The following MTOR variants were observed in gnomAD, a reference collection of about 807,000 sequenced individuals.
The protein encoded by MTOR is mechanistic target of rapamycin kinase, also known as serine/threonine-protein kinase mTOR.
Under a neutral mutation model 319.8 loss-of-function variants are expected in MTOR, and 70 were observed. That is an observed-to-expected ratio of 0.22 (90% CI 0.18 to 0.27). The LOEUF is 0.27. MTOR is among the 10% of genes least tolerant of loss of function. The pLI, the probability that MTOR is intolerant of heterozygous loss-of-function variation, is 1.00. For missense variants in MTOR, 1,890 were observed against 3,274.4 expected (o/e 0.58, Z 10.32); for synonymous variants, 1,183 against 1,211.4 (o/e 0.98, Z 0.49).
chr1:11,197,804 GA>G (rs1400312180), intron 28 of MTOR, among the ~76,000 whole-genome samples: 1 of 152,140 alleles, frequency 6.6e-6, no homozygotes. Context: ...TGGCCTCCCA[GA>G]GTGCTGGGAT....
rs765645096 is a variant in MTOR at position 11,248,067 on chromosome 1, T to A, written c.868A>T (p.Thr290Ser). 20 of 1,609,972 alleles carry A rather than the reference T, an allele frequency of 1.2e-5. No individual in the cohort carries two copies. Among genetic ancestry groups the A allele is most frequent in the Non-Finnish European group, 1.1e-5 (13 of 1,177,280 alleles). Residue 290 changes from threonine to serine, a missense_variant, in exon 7 of 58, where the codon ACA (threonine) becomes TCA (serine). By Grantham distance (58) the Thr-to-Ser change is moderately conservative. Coordinates refer to ENST00000361445, the MANE Select transcript of MTOR (RefSeq NM_004958.4). ...TTGTCGTGTACCAGCTGCTGCTGTGTGATTTCTTCCATTTCTTCTCTCAGA... is the reference window on the plus strand; with the variant it reads ...TTGTCGTGTACCAGCTGCTGCTGTGAGATTTCTTCCATTTCTTCTCTCAGA... ...ERLREEMEEITQQQLVHDKYC... is the reference protein window; with the variant it reads ...ERLREEMEEISQQQLVHDKYC...
chr1:11,115,744 C>G lies in MTOR; in HGVS notation c.7017-276G>C. On this transcript the variant is annotated intron_variant, in intron 50 of 57. Transcript: ENST00000361445. This position sits in a 1 kb window ranked among gnomAD's most constrained non-coding sequence, Gnocchi z 4.5. Reference sequence around the variant, plus strand: ...CACAAAGCCTAAAACGACCTATTAACTGGTCCTTTACAGAAACAGTTTGCC... The same window carrying G: ...CACAAAGCCTAAAACGACCTATTAAGTGGTCCTTTACAGAAACAGTTTGCC... 1 of 390,464 alleles carries G rather than the reference C, an allele frequency of 2.6e-6. No homozygotes were observed. The highest frequency in any genetic ancestry group is 4.8e-6 in the Non-Finnish European group (1 of 209,966). The allele number at this position is 390,464 out of a possible 1,614,324, so 24.2% of individuals were successfully genotyped here. A position where few individuals can be genotyped will look rare whatever the true frequency, so the allele number is the denominator to read the frequency against.
rs755961233 is a variant in MTOR at position 11,248,108 on chromosome 1, G to A, written c.841-14C>T. The stretch of plus-strand genomic sequence containing the variant: ...TTCTCTCAGACGCTATATATATGAG[G>A]AGGAAAAAAATCATCTTTACTTATG... On this transcript the variant is annotated splice_polypyrimidine_tract_variant and intron_variant, in intron 6 of 57. Coordinates refer to ENST00000361445, the MANE Select transcript of MTOR (RefSeq NM_004958.4). The A allele has an allele frequency of 3.2e-6, 5 of 1,562,060 alleles. No individual in the cohort carries two copies. Among genetic ancestry groups the A allele is most frequent in the Admixed American group, 3.8e-5 (2 of 52,094 alleles).
chr1:11,200,859 CA>C (rs1645943173), intron 26 of MTOR, among the ~76,000 whole-genome samples: 1 of 151,730 alleles, frequency 6.6e-6, no homozygotes, highest in Non-Finnish European at 1.5e-5. Flanking sequence ...ACTAAAAATA[CA>C]AAAAATTAGC....
chr1:11,256,683 G>A (rs901236173), intron 4 of MTOR, among the ~76,000 whole-genome samples: 2 of 152,008 alleles, frequency 1.3e-5, no homozygotes, highest in African/African-American at 2.4e-5. Context: ...TCCTGGTACC[G>A]TGCCCCCTCC....
intron 25 of MTOR, among the ~76,000 whole-genome samples, chr1:11,207,157 A>C (rs1373700968): frequency 6.6e-6 from 1 of 151,622 alleles, no homozygotes; most frequent in East Asian, 2.0e-4. Context: ...GGAGTGGTGA[A>C]GTGGGATGAT....
intron 6 of MTOR, among the ~76,000 whole-genome samples, chr1:11,250,185 G>A (rs74379526): frequency 0.46 from 44,923 of 96,794 alleles, 12,958 homozygotes; most frequent in Non-Finnish European, 0.59. Context: ...CTGACCCCCC[G>A]ACCTCCCTCC....
intron 28 of MTOR, among the ~76,000 whole-genome samples, chr1:11,184,220 T>C (rs1022024896): frequency 1.3e-5 from 2 of 152,142 alleles, no homozygotes; most frequent in African/African-American, 2.4e-5. Context: ...ATTTCACAGG[T>C]TGGCAAACTC....
Position 11,129,759 on chromosome 1 carries a change from T to C in MTOR, c.5693A>G (p.Asn1898Ser), listed in dbSNP as rs1164349904. Residue 1898 changes from asparagine (N) to serine (S), a missense_variant, in exon 40 of 58, where the codon AAC (asparagine) becomes AGC (serine). This residue lies in a region of MTOR where 249 missense variants were observed against 596.2 expected (regional missense o/e 0.42). Coordinates refer to ENST00000361445, the MANE Select transcript of MTOR (RefSeq NM_004958.4). The surrounding 1 kb of genome is among the most constrained non-coding windows in gnomAD (Gnocchi z 4.7). ...ATACCTGAGTGTATCCTGGAGGTTG[T>C]TGCCTCGTGACAAGGAGATGGAACG... ...FFRSISLSRG[N>S]NLQDTLRVLT... is the part of the protein sequence containing the mutation. The C allele has an allele frequency of 1.2e-6, 2 of 1,614,172 alleles. No individual in the cohort carries two copies. The highest frequency in any genetic ancestry group is 1.7e-6 in the Non-Finnish European group (2 of 1,180,000).
At chr1:11,244,295 T>TAAAA (rs1648512095) in intron 8 of MTOR, among the ~76,000 whole-genome samples, 1 of 25,962 alleles carries the variant, frequency 3.9e-5, no homozygotes, top group Admixed American at 8.1e-4. Context: ...TACATCTCAT[T>TAAAA]TAAAAAAAAA....
rs757014143 is a variant in MTOR, at chr1:11,127,166, T to G, written c.6217-22A>C. 24 of 1,612,720 alleles carry G rather than the reference T, an allele frequency of 1.5e-5. No individual in the cohort carries two copies. In the Admixed American group the frequency reaches 2.8e-4, roughly 19 times the overall value. ...AGGCCTGAGAGAGAAAGCAGGCACGTTTTCAAGTTATCAAAGTCTCAACCA... is the reference window on the plus strand; with the variant it reads ...AGGCCTGAGAGAGAAAGCAGGCACGGTTTCAAGTTATCAAAGTCTCAACCA... On this transcript the variant is annotated intron_variant, in intron 44 of 57. Coordinates refer to ENST00000361445, the MANE Select transcript of MTOR (RefSeq NM_004958.4). This position sits in a 1 kb window ranked among gnomAD's most constrained non-coding sequence, Gnocchi z 5.5.
rs199569676 is a variant in MTOR at position 11,157,169 on chromosome 1, G to A, written c.4452C>T (p.Leu1484=). The part of the protein sequence containing the change: ...PELMLGRMRC[L]EALGEWGQLH... ...AAGCTCACCATTCCCCCAAGGCCTC[G>A]AGGCAGCGCATGCGGCCCAGCATCA... The change falls in exon 30 of 58, where the codon CTC becomes CTT. Residue 1484 remains leucine (L), a synonymous_variant. Transcript: ENST00000361445. The A allele has an allele frequency of 2.1e-5, 34 of 1,609,910 alleles. No homozygotes were observed. The highest frequency in any genetic ancestry group is 1.1e-4 in the East Asian group (5 of 44,400).
At chr1:11,246,825 A>G (rs6679878) in intron 8 of MTOR, among the ~76,000 whole-genome samples, 98,746 of 152,156 alleles carry the variant, frequency 0.65, 34,163 homozygotes, top group East Asian at 0.91. Context: ...ACAGGCAACT[A>G]GAGCATTATA....
At chr1:11,144,413 T>C in intron 34 of MTOR, 1 of 464,186 alleles carries the variant, frequency 2.2e-6, no homozygotes, top group Admixed American at 3.3e-5. Flanking sequence ...AAAACATTTT[T>C]TTTAATTCCT....
At chr1:11,202,622 A>C (rs1365487071) in intron 26 of MTOR, among the ~76,000 whole-genome samples, 1 of 151,822 alleles carries the variant, frequency 6.6e-6, no homozygotes, top group African/African-American at 2.4e-5. Context: ...AAATTTTTAA[A>C]AATTAAAAAA....
intron 8 of MTOR, 104 bp from the exon 9 acceptor site, chr1:11,243,404 G>C (rs1648353265): frequency 3.5e-6 from 4 of 1,140,270 alleles, no homozygotes; most frequent in Non-Finnish European, 4.9e-6. Flanking sequence ...AATAAATTAA[G>C]AAAGTGGCCA....
At chr1:11,187,620 T>C (rs962145060) in intron 28 of MTOR, among the ~76,000 whole-genome samples, 1 of 152,178 alleles carries the variant, frequency 6.6e-6, no homozygotes, top group Non-Finnish European at 1.5e-5. Flanking sequence ...TATACATGAC[T>C]GTATGGTACA....
rs149275985 is a variant in MTOR, at chr1:11,176,065, T to C, written c.4254-8548A>G. Among the ~76,000 whole-genome samples the C allele has an allele frequency of 2.2e-3, 342 of 152,232 alleles. 2 individuals are homozygous for C. The South Asian group carries it at 0.027, about 12-fold the overall frequency. The stretch of plus-strand genomic sequence containing the variant: ...GCCCAGCCCCCTCACTGCCTTTTAT[T>C]GGAGGAGGATGAGATTGACTGAAAT... On this transcript the variant is annotated intron_variant, in intron 28 of 57. Coordinates refer to ENST00000361445, the MANE Select transcript of MTOR (RefSeq NM_004958.4).
At position 11,241,617 on chromosome 1, in the gene MTOR, T is replaced by C. The variant is rs780744528; in HGVS notation, c.1477A>G (p.Met493Val). 11 of 1,614,002 alleles carry C rather than the reference T, an allele frequency of 6.8e-6. No individual in the cohort carries two copies. Among genetic ancestry groups the C allele is most frequent in the Middle Eastern group, 3.3e-4 (2 of 6,082 alleles). The change falls in exon 10 of 58, where the codon ATG becomes GTG. Residue 493 changes from methionine (M) to valine (V), a missense_variant. Transcript: ENST00000361445. The stretch of plus-strand genomic sequence containing the variant: ...ATATCCTGCTGGATGCCTGGCCCCA[T>C]TGCTCGAGCCAGCATGCTGATGCAA... ...FTCISMLARA[M>V]GPGIQQDIKE...
Sources: gnomAD v4.1 joint callset for allele counts (sites outside exome capture counted in the v4.1 genomes callset) on GRCh38, gnomAD v4.1.1 for gene constraint, gnomAD v4.1.1 regional missense constraint, Gnocchi (gnomAD v3.1) non-coding constraint, MANE v1.5 for transcripts, NCBI Gene and HGNC (gene_info 2026-07-23, HGNC 2026-07-21) for gene names.